The following ACSL3 variants were observed in gnomAD, a reference collection of about 807,000 sequenced individuals.
ACSL3 encodes the protein fatty acid CoA ligase Acsl3.
In ACSL3, 34 loss-of-function variants were observed where a neutral mutation model predicts 84.7. The ratio of observed to expected loss-of-function variants is 0.40; its 90% confidence interval spans 0.31 to 0.53. ACSL3 has a LOEUF of 0.53. ACSL3 is among the 20% of genes least tolerant of loss of function. ACSL3 has a pLI of 0.48. For missense variants in ACSL3, 680 were observed against 873.1 expected, an observed-to-expected ratio of 0.78 and a Z score of 2.79; for synonymous variants, 315 against 299.4, an observed-to-expected ratio of 1.05 and a Z score of -0.54.
chr2:222,930,717 C>G lies in ACSL3; in HGVS notation c.1637C>G (p.Thr546Arg), dbSNP rs1349312517. 2 of 1,613,946 alleles carry G rather than the reference C, an allele frequency of 1.2e-6. No homozygotes were observed. The highest frequency in any genetic ancestry group is 1.3e-5 in the African/African-American group (1 of 74,930). ...GGGTACTACAAAAATGAAGCAAAAA[C>G]AAAAGCTGATTTCTTTGAAGATGAA... ...TMGYYKNEAK[T>R]KADFFEDENG... The change falls in exon 14 of 17, where the codon ACA becomes AGA. Residue 546 changes from threonine to arginine, a missense_variant. Thr to Arg is a moderately conservative substitution (Grantham distance 71, BLOSUM62 -1). Around this residue, in one of 2 missense-constraint regions of ACSL3, gnomAD observed 347 missense variants for 525.7 expected, o/e 0.66. Transcript: ENST00000357430.
intron 11 of ACSL3, 99 bp from the exon 12 acceptor site, chr2:222,926,918 C>G: frequency 7.6e-7 from 1 of 1,317,792 alleles, no homozygotes; most frequent in Non-Finnish European, 1.0e-6. Flanking sequence ...GTAACTTAAT[C>G]TCAAAATCTC....
chr2:222,870,379 T>C (rs1006199732), intron 1 of ACSL3, among the ~76,000 whole-genome samples: 18 of 152,200 alleles, frequency 1.2e-4, no homozygotes, highest in African/African-American at 4.1e-4. Context: ...AAGATTCTCA[T>C]GGAAACCATC....
At chr2:222,936,225 A>G (rs1559305066) in intron 16 of ACSL3, among the ~76,000 whole-genome samples, 1 of 152,162 alleles carries the variant, frequency 6.6e-6, no homozygotes, top group Admixed American at 6.5e-5. Flanking sequence ...TAGATGTGCA[A>G]ATATGGCTTT....
chr2:222,865,303 G>A (rs1451352774), intron 1 of ACSL3, among the ~76,000 whole-genome samples: 3 of 152,176 alleles, frequency 2.0e-5, no homozygotes, highest in Non-Finnish European at 4.4e-5. Context: ...GGATGATTCA[G>A]TAGTTTCAAC....
chr2:222,903,544 A>G (rs1425425748), intron 3 of ACSL3, among the ~76,000 whole-genome samples: 1 of 152,238 alleles, frequency 6.6e-6, no homozygotes, highest in Admixed American at 6.5e-5. Flanking sequence ...TAAATAAATG[A>G]CAGAGTAACA....
intron 1 of ACSL3, among the ~76,000 whole-genome samples, chr2:222,881,849 CTT>C (rs1695598627): frequency 2.0e-5 from 3 of 152,192 alleles, no homozygotes; most frequent in Non-Finnish European, 4.4e-5. Flanking sequence ...ATGCTCACAC[CTT>C]TCCCCTCCTA....
chr2:222,881,764 A>C (rs1192876077), intron 1 of ACSL3, among the ~76,000 whole-genome samples: 1 of 152,158 alleles, frequency 6.6e-6, no homozygotes, highest in African/African-American at 2.4e-5. Flanking sequence ...CCACCTGCCC[A>C]AAGTGCTGGG....
At chr2:222,872,567 T>C (rs1469322441) in intron 1 of ACSL3, among the ~76,000 whole-genome samples, 2 of 152,140 alleles carry the variant, frequency 1.3e-5, no homozygotes, top group Admixed American at 1.3e-4. Context: ...ACACCAAGGA[T>C]AGAATGATGA....
chr2:222,905,101 G>C (rs910613020), intron 3 of ACSL3: 1 of 152,314 alleles, frequency 6.6e-6, no homozygotes, highest in African/African-American at 2.4e-5. Flanking sequence ...GTTCAGGGGT[G>C]GTAAGAGCTC....
At chr2:222,912,668 C>A (rs927476628) in intron 4 of ACSL3, among the ~76,000 whole-genome samples, 14 of 152,058 alleles carry the variant, frequency 9.2e-5, no homozygotes, top group Admixed American at 9.2e-4. Context: ...TCCATCTTAT[C>A]CCAACAGTCT....
chr2:222,922,602 A>G, intron 8 of ACSL3, 106 bp from the exon 9 acceptor site: 1 of 1,396,416 alleles, frequency 7.2e-7, no homozygotes, highest in Non-Finnish European at 9.8e-7. Flanking sequence ...CAGCAAATTG[A>G]TGCCCTGGGG....
intron 3 of ACSL3, among the ~76,000 whole-genome samples, chr2:222,904,098 C>G (rs1388226864): frequency 6.6e-6 from 1 of 152,064 alleles, no homozygotes; most frequent in East Asian, 1.9e-4. Context: ...ATGGAGAAAC[C>G]CCGTCTCTAC....
At chr2:222,901,276 TGTTA>T (rs1696141396) in intron 3 of ACSL3, among the ~76,000 whole-genome samples, 1 of 152,218 alleles carries the variant, frequency 6.6e-6, no homozygotes, top group Admixed American at 6.5e-5. Context: ...AACTTTTGCT[TGTTA>T]GTTATTTCAG....
At chr2:222,861,584 TG>T (rs1190073665) in intron 1 of ACSL3, 1 of 152,010 alleles carries the variant, frequency 6.6e-6, no homozygotes, top group Non-Finnish European at 1.5e-5. Flanking sequence ...CCCGGCGCTG[TG>T]GGGCGGGGTG....
intron 1 of ACSL3, among the ~76,000 whole-genome samples, chr2:222,881,984 T>C (rs1695601380): frequency 6.6e-6 from 1 of 152,184 alleles, no homozygotes; most frequent in Non-Finnish European, 1.5e-5. Flanking sequence ...TCAACTGGAT[T>C]AGATGTGCTG....
At chr2:222,866,151 CT>C (rs575819302) in intron 1 of ACSL3, among the ~76,000 whole-genome samples, 1,980 of 146,994 alleles carry the variant, frequency 0.013, 26 homozygotes, top group Middle Eastern at 0.021. Context: ...AAAATAGGTA[CT>C]TTTTTTTTTT....
At position 222,930,815 on chromosome 2, in the gene ACSL3, A is replaced by G. The variant is rs1697010259; in HGVS notation, c.1732+3A>G. 1.3e-6 allele frequency: 2 copies of G among 1,585,950 alleles called. No homozygotes were observed. The highest frequency in any genetic ancestry group is 1.4e-5 in the African/African-American group (1 of 73,390). On this transcript the variant is annotated splice_donor_region_variant and intron_variant, in intron 14 of 16. Coordinates refer to ENST00000357430, the MANE Select transcript of ACSL3 (RefSeq NM_004457.5). ...CGATGGATGCTTAAAGATTATTGGT[A>G]AGTCATCTAATATTTTTTTGAAAAT...
At chr2:222,921,248 G>GT in intron 7 of ACSL3, 32 bp from the exon 8 acceptor site, 1 of 1,584,248 alleles carries the variant, frequency 6.3e-7, no homozygotes, top group South Asian at 1.1e-5. Context: ...TCTCATGAAA[G>GT]TGTATGTGTG....
rs899696424 is a variant in ACSL3, at chr2:222,942,467, A to T, written c.*813A>T. The T allele has an allele frequency of 4.7e-5, 9 of 192,868 alleles. No individual in the cohort carries two copies. Among genetic ancestry groups the T allele is most frequent in the African/African-American group, 2.1e-4 (9 of 43,182 alleles). 11.9% of individuals were successfully genotyped at this position (192,868 alleles called of 1,614,324 possible). On this transcript the variant is annotated 3_prime_UTR_variant, in exon 17 of 17. Transcript: ENST00000357430. ...GAAACTAGGAAAATACCCAAACTTA[A>T]ATGGAAGAATTCTGAAAGAGAGGAT...
Sources: allele counts gnomAD v4.1 joint callset (sites outside exome capture counted in the v4.1 genomes callset), GRCh38; gene constraint gnomAD v4.1.1; regional missense constraint gnomAD v4.1.1; transcripts MANE v1.5; gene names NCBI Gene and HGNC (gene_info 2026-07-23, HGNC 2026-07-21).